The following NRXN3 variants were observed in gnomAD, a reference collection of about 807,000 sequenced individuals.
NRXN3 encodes neurexin 3, also known as neurexin III.
In NRXN3, 32 loss-of-function variants were observed where a neutral mutation model predicts 137.6. That is an observed-to-expected ratio of 0.23 (90% confidence interval 0.18 to 0.31). The LOEUF (loss-of-function observed/expected upper bound fraction) is 0.31, where lower values mean the gene tolerates loss of function less well. NRXN3 is among the 10% of genes least tolerant of loss of function. The pLI, the probability that NRXN3 is intolerant of heterozygous loss-of-function variation, is 1.00. For missense variants in NRXN3, 1,574 were observed against 2,062.5 expected (o/e 0.76, Z 4.59); for synonymous variants, 798 against 784.5 (o/e 1.02, Z -0.29).
Position 79,861,765 on chromosome 14 carries a change from C to T in NRXN3, c.4517C>T (p.Ala1506Val). The T allele has an allele frequency of 6.2e-7, 1 of 1,614,064 alleles. No homozygotes were observed. Among genetic ancestry groups the T allele is most frequent in the Non-Finnish European group, 8.5e-7 (1 of 1,180,018 alleles). The change falls in exon 21 of 21, where the codon GCC becomes GTC. Residue 1506 changes from alanine (A) to valine (V), a missense_variant. This residue lies in a region of NRXN3 where 320 missense variants were observed against 387.1 expected (regional missense o/e 0.83). Transcript: ENST00000335750. This position sits in a 1 kb window ranked among gnomAD's most constrained non-coding sequence, Gnocchi z 5.4. The part of the protein sequence containing the change: ...TGMVVGIVAA[A>V]ALCILILLYA... ...ATGGTCGTCGGCATTGTGGCTGCTG[C>T]CGCCCTCTGCATCTTGATCCTCCTG... is the stretch of plus-strand genomic sequence containing the variant.
In NRXN3 at chr14:78,429,325, C is replaced by T. The variant is rs372689913; in HGVS notation, c.757+131465C>T. ...AACTCCTGACCTCAAGCAATCCACC[C>T]GCCTCGGCCTCCCAAAGTGCTGGGA... On this transcript the variant is annotated intron_variant, in intron 4 of 20. Coordinates refer to ENST00000335750, the MANE Select transcript of NRXN3 (RefSeq NM_001330195.2). Among the ~76,000 whole-genome samples, 10 of 152,126 alleles carry T rather than the reference C, an allele frequency of 6.6e-5. No individual in the cohort carries two copies. In the East Asian group the frequency reaches 1.7e-3, roughly 26 times the overall value.
chr14:79,495,453 C>T (rs2096757193), intron 16 of NRXN3, among the ~76,000 whole-genome samples: 1 of 152,014 alleles, frequency 6.6e-6, no homozygotes, highest in Non-Finnish European at 1.5e-5. Flanking sequence ...TGAAAGTCCA[C>T]ATCTCTATCA....
At chr14:79,649,967 G>A (rs951530064) in intron 16 of NRXN3, among the ~76,000 whole-genome samples, 4 of 152,288 alleles carry the variant, frequency 2.6e-5, no homozygotes, top group South Asian at 4.1e-4. Flanking sequence ...TCCATTTCCC[G>A]ACTGACAGAT....
intron 4 of NRXN3, among the ~76,000 whole-genome samples, chr14:78,608,949 G>T (rs1306004131): frequency 6.6e-6 from 1 of 152,126 alleles, no homozygotes; most frequent in Non-Finnish European, 1.5e-5. Context: ...CAGAAAAAGG[G>T]CTGGGCATAG....
At chr14:79,301,545 C>T (rs1368380789) in intron 15 of NRXN3, among the ~76,000 whole-genome samples, 1 of 151,964 alleles carries the variant, frequency 6.6e-6, no homozygotes, top group Non-Finnish European at 1.5e-5. Context: ...CACAATGGTC[C>T]TTGTGTGACA....
intron 4 of NRXN3, among the ~76,000 whole-genome samples, chr14:78,377,558 T>C (rs1438657331): frequency 6.6e-6 from 1 of 152,222 alleles, no homozygotes; most frequent in African/African-American, 2.4e-5. Context: ...TGCCGTAACA[T>C]AATGTCACAC....
At chr14:79,376,214 G>GTA (rs1159913935) in intron 15 of NRXN3, among the ~76,000 whole-genome samples, 60 of 71,066 alleles carry the variant, frequency 8.4e-4, no homozygotes, top group African/African-American at 1.4e-3. Flanking sequence ...GTGTGTGTAT[G>GTA]TATATATATA....
chr14:78,915,297 A>C (rs887260425), intron 10 of NRXN3, among the ~76,000 whole-genome samples: 5 of 146,184 alleles, frequency 3.4e-5, no homozygotes, highest in Admixed American at 2.1e-4. Context: ...TTTTATTACT[A>C]TATAAATGAA....
intron 19 of NRXN3, among the ~76,000 whole-genome samples, chr14:79,788,600 T>C (rs1028580942): frequency 6.6e-6 from 1 of 152,210 alleles, no homozygotes; most frequent in African/African-American, 2.4e-5. Context: ...GTGTTTGTGA[T>C]TACCTTGGAC....
rs2152786230 is a variant in NRXN3, at chr14:79,087,033, T to C, written c.3262+98892T>C. Among the ~76,000 whole-genome samples, 3 of 152,252 alleles carry C rather than the reference T, an allele frequency of 2.0e-5. No individual in the cohort carries two copies. The South Asian group carries it at 6.2e-4, about 32-fold the overall frequency. On this transcript the variant is annotated intron_variant, in intron 15 of 20. Transcript: ENST00000335750. ...TACAGCAGACACACCTGAATGTTGGTGGGAGTTCTGAGCTAAGGAACCCAG... is the reference window on the plus strand; with the variant it reads ...TACAGCAGACACACCTGAATGTTGGCGGGAGTTCTGAGCTAAGGAACCCAG...
chr14:78,235,758 C>T (rs1330971535), intron 1 of NRXN3, among the ~76,000 whole-genome samples: 1 of 152,196 alleles, frequency 6.6e-6, no homozygotes, highest in African/African-American at 2.4e-5. Flanking sequence ...GTTTCCCCTT[C>T]TTTTTCCTAA....
chr14:78,961,623 C>T (rs182583903), intron 11 of NRXN3, among the ~76,000 whole-genome samples: 12 of 152,276 alleles, frequency 7.9e-5, no homozygotes, highest in African/African-American at 2.2e-4. Flanking sequence ...TGTGTTGATA[C>T]GTTTAACCCT....
intron 16 of NRXN3, among the ~76,000 whole-genome samples, chr14:79,659,599 A>G (rs2153982971): frequency 6.6e-6 from 1 of 152,314 alleles, no homozygotes; most frequent in African/African-American, 2.4e-5. Context: ...AGGAGAAAGA[A>G]GGGAGAAAGA....
chr14:79,083,022 A>G (rs2047367899), intron 15 of NRXN3, among the ~76,000 whole-genome samples: 1 of 152,006 alleles, frequency 6.6e-6, no homozygotes, highest in Non-Finnish European at 1.5e-5. Context: ...TTGATACAAC[A>G]TTTTTTCTGC....
chr14:79,724,624 T>G (rs1191109050), intron 19 of NRXN3, among the ~76,000 whole-genome samples: 1 of 152,216 alleles, frequency 6.6e-6, no homozygotes, highest in Non-Finnish European at 1.5e-5. Context: ...TATTCTGCCA[T>G]GTACTCTGGG....
intron 16 of NRXN3, among the ~76,000 whole-genome samples, chr14:79,543,060 G>A (rs2097288531): frequency 6.6e-6 from 1 of 152,118 alleles, no homozygotes; most frequent in African/African-American, 2.4e-5. Flanking sequence ...TAATTAGCCT[G>A]CGATACTGGC....
rs549269974 is a variant in NRXN3, at chr14:78,888,522, G to C, written c.2276-68720G>C. Among the ~76,000 whole-genome samples, 3 of 152,134 alleles carry C rather than the reference G, an allele frequency of 2.0e-5. No homozygotes were observed. In the South Asian group the frequency reaches 6.2e-4, roughly 32 times the overall value. On this transcript the variant is annotated intron_variant, in intron 10 of 20. Coordinates refer to ENST00000335750, the MANE Select transcript of NRXN3 (RefSeq NM_001330195.2). ...ACTTTAAAACAAAAATTTTCCTACT[G>C]TCAGGGAAACTAAGTTTTCCTTTTC...
Position 79,237,198 on chromosome 14 carries a change from G to A in NRXN3, c.3263-230023G>A, listed in dbSNP as rs142176504. On this transcript the variant is annotated intron_variant, in intron 15 of 20. Coordinates refer to ENST00000335750, the MANE Select transcript of NRXN3 (RefSeq NM_001330195.2). Reference sequence around the variant, plus strand: ...TAGAGGAATTTGGAAGAAGGGAAAAGAGAATAGCAATGAATTGATTGGATA... The same window carrying A: ...TAGAGGAATTTGGAAGAAGGGAAAAAAGAATAGCAATGAATTGATTGGATA... 1.1e-4 allele frequency among the ~76,000 whole-genome samples: 16 copies of A among 152,154 alleles called. No individual in the cohort carries two copies. In the East Asian group the frequency reaches 2.9e-3, roughly 28 times the overall value.
At chr14:79,458,634 G>A (rs2096286946) in intron 15 of NRXN3, among the ~76,000 whole-genome samples, 2 of 152,086 alleles carry the variant, frequency 1.3e-5, no homozygotes, top group Non-Finnish European at 2.9e-5. Flanking sequence ...TTTCCATTTT[G>A]TTTGACAATA....
Sources: allele counts gnomAD v4.1 joint callset (sites outside exome capture counted in the v4.1 genomes callset), GRCh38; gene constraint gnomAD v4.1.1; regional missense constraint gnomAD v4.1.1; non-coding constraint Gnocchi (gnomAD v3.1); transcripts MANE v1.5; gene names NCBI Gene and HGNC (gene_info 2026-07-23, HGNC 2026-07-21).